COL21A1: variants seen among roughly 807,000 people sequenced by gnomAD.
COL21A1 encodes the protein collagen alpha-1(XXI) chain.
Under a neutral mutation model 137.9 loss-of-function variants are expected in COL21A1, and 149 were observed. The observed-to-expected ratio is 1.08, with a 90% confidence interval of 0.95 to 1.24. COL21A1 has a LOEUF of 1.24. COL21A1 is among the 50% of genes most tolerant of loss of function. COL21A1 has a pLI of 0.00. For synonymous variants in COL21A1, 456 were observed against 391.5 expected (o/e 1.16, Z -1.95); for missense variants, 1,167 against 1,158.4 (o/e 1.01, Z -0.11).
intron 1 of COL21A1, among the ~76,000 whole-genome samples, chr6:56,299,810 C>T (rs1189304826): frequency 6.6e-6 from 1 of 151,990 alleles, no homozygotes; most frequent in Non-Finnish European, 1.5e-5. Flanking sequence ...TATGTCTTAC[C>T]TCAACATTAT....
At chr6:56,214,326 A>G (rs1340073239) in intron 1 of COL21A1, among the ~76,000 whole-genome samples, 1 of 152,146 alleles carries the variant, frequency 6.6e-6, no homozygotes, top group Non-Finnish European at 1.5e-5. Flanking sequence ...CCATCCTATC[A>G]TGAATGGAAT....
chr6:56,179,525 A>G, intron 3 of COL21A1, 53 bp downstream of exon 3: 1 of 1,358,838 alleles, frequency 7.4e-7, no homozygotes. Context: ...CAAAATGTAA[A>G]AAGCACAATT....
At position 56,171,108 on chromosome 6, in the gene COL21A1, T is replaced by A. The variant is rs1467861809; in HGVS notation, c.661A>T (p.Ile221Phe). ...LCEESVCPTR[I>F]PVAARDERGF... Reference sequence around the variant, plus strand: ...CTTTCATCACGAGCTGCCACTGGAATTCGTGTTGGACAGACAGATTCTATA... The same window carrying A: ...CTTTCATCACGAGCTGCCACTGGAAATCGTGTTGGACAGACAGATTCTATA... Residue 221 changes from isoleucine (I) to phenylalanine (F), a missense_variant, in exon 4 of 30, where the codon ATT (isoleucine) becomes TTT (phenylalanine). Coordinates refer to ENST00000244728, the MANE Select transcript of COL21A1 (RefSeq NM_030820.4). 11 of 1,605,908 alleles carry A rather than the reference T, an allele frequency of 6.8e-6. No individual in the cohort carries two copies. Among genetic ancestry groups the A allele is most frequent in the Non-Finnish European group, 8.5e-6 (10 of 1,176,688 alleles).
chr6:56,271,234 G>A (rs2152332445), intron 1 of COL21A1, among the ~76,000 whole-genome samples: 1 of 152,274 alleles, frequency 6.6e-6, no homozygotes, highest in South Asian at 2.1e-4. Flanking sequence ...GTAGAGCAAA[G>A]GTCACTCTTG....
chr6:56,301,503 A>G (rs1052347508), intron 1 of COL21A1, among the ~76,000 whole-genome samples: 3 of 152,280 alleles, frequency 2.0e-5, no homozygotes, highest in East Asian at 3.9e-4. Context: ...TGTTCTTTTA[A>G]GCCACTAAGT....
chr6:56,287,413 G>T (rs974193596), intron 1 of COL21A1, among the ~76,000 whole-genome samples: 1 of 152,072 alleles, frequency 6.6e-6, no homozygotes, highest in Admixed American at 6.5e-5. Context: ...TGGAGGAGGG[G>T]CCCAATAGGA....
At chr6:56,177,638 A>G (rs984036046) in intron 3 of COL21A1, among the ~76,000 whole-genome samples, 2 of 151,964 alleles carry the variant, frequency 1.3e-5, no homozygotes, top group Non-Finnish European at 2.9e-5. Flanking sequence ...ACTAAAAAAT[A>G]GAAAAAATTA....
At chr6:56,276,378 AT>A in intron 1 of COL21A1, among the ~76,000 whole-genome samples, 1 of 152,170 alleles carries the variant, frequency 6.6e-6, no homozygotes, top group Non-Finnish European at 1.5e-5. Flanking sequence ...TGCATCTCAA[AT>A]AAAAGTTGAA....
intron 28 of COL21A1, 78 bp from the exon 29 acceptor site, chr6:56,059,320 T>TAA (rs1765594950): frequency 2.2e-6 from 2 of 894,432 alleles, no homozygotes; most frequent in Non-Finnish European, 3.3e-6. Context: ...GCTGTTAATA[T>TAA]ACACATGAAA....
chr6:56,260,645 A>AGAGAGAG (rs1763237189), intron 1 of COL21A1, among the ~76,000 whole-genome samples: 1 of 42,502 alleles, frequency 2.4e-5, no homozygotes, highest in Admixed American at 2.0e-4. Flanking sequence ...GGAAGGAAGG[A>AGAGAGAG]AGGAAGGAAG....
chr6:56,291,000 T>C (rs924483616), intron 1 of COL21A1, among the ~76,000 whole-genome samples: 8 of 152,134 alleles, frequency 5.3e-5, no homozygotes, highest in South Asian at 4.2e-4. Context: ...ATGTGATCCA[T>C]GGACCAGCGA....
chr6:56,248,680 G>A (rs1261538428), upstream of COL21A1, among the ~76,000 whole-genome samples: 1 of 152,168 alleles, frequency 6.6e-6, no homozygotes, highest in Admixed American at 6.5e-5. Context: ...CTCCCTGTGG[G>A]AACAGGTTCA....
At chr6:56,062,134 G>T (rs79178944) in intron 24 of COL21A1, among the ~76,000 whole-genome samples, 1 of 152,078 alleles carries the variant, frequency 6.6e-6, no homozygotes, top group South Asian at 2.1e-4. Context: ...CAAAGGATGG[G>T]TTAAAGCAAA....
At chr6:56,363,663 C>T (rs1320844161) in intron 1 of COL21A1, among the ~76,000 whole-genome samples, 2 of 152,206 alleles carry the variant, frequency 1.3e-5, no homozygotes, top group African/African-American at 4.8e-5. Flanking sequence ...CATTTAAACT[C>T]ACCTTGGACA....
At chr6:56,254,651 A>C (rs911139366) in intron 1 of COL21A1, among the ~76,000 whole-genome samples, 2 of 152,188 alleles carry the variant, frequency 1.3e-5, no homozygotes, top group African/African-American at 2.4e-5. Context: ...AAAAATGGGA[A>C]ATATTTGAGA....
chr6:56,179,582 A>G lies in COL21A1; in HGVS notation c.636T>C (p.Cys212=), dbSNP rs2152280415. 1 of 1,604,526 alleles carries G rather than the reference A, an allele frequency of 6.2e-7. No homozygotes were observed. The highest frequency in any genetic ancestry group is 8.5e-7 in the Non-Finnish European group (1 of 1,173,734). Residue 212 remains cysteine, a synonymous_variant, in exon 3 of 30, where the codon TGT becomes TGC. Coordinates refer to ENST00000244728, the MANE Select transcript of COL21A1 (RefSeq NM_030820.4). ...KIREVMKQKL[C]EESVCPTRIP... is the part of the protein sequence containing the mutation. ...TTAAGGCATTTTAAGGCTTACCTTC[A>G]CAAAGTTTCTGCTTCATCACTTCCC...
intron 1 of COL21A1, among the ~76,000 whole-genome samples, chr6:56,282,357 C>CA (rs1287227514): frequency 1.3e-5 from 1 of 74,828 alleles, no homozygotes; most frequent in Non-Finnish European, 2.6e-5. Flanking sequence ...TGTTTTTTCT[C>CA]ATACGCATGG....
chr6:56,210,371 G>A (rs750482756), intron 1 of COL21A1, among the ~76,000 whole-genome samples: 2 of 152,084 alleles, frequency 1.3e-5, no homozygotes, highest in Non-Finnish European at 2.9e-5. Flanking sequence ...CAAATAAAGA[G>A]AATAAACATT....
At chr6:56,074,424 A>C in intron 19 of COL21A1, 139 bp from the exon 20 acceptor site, 1 of 550,902 alleles carries the variant, frequency 1.8e-6, no homozygotes. Flanking sequence ...CAATATTTAG[A>C]AAATTACTCC....
Sources: allele counts gnomAD v4.1 joint callset (sites outside exome capture counted in the v4.1 genomes callset), GRCh38; gene constraint gnomAD v4.1.1; transcripts MANE v1.5; gene names NCBI Gene and HGNC (gene_info 2026-07-23, HGNC 2026-07-21).